The following KCNQ5 variants were observed in gnomAD, a reference collection of about 807,000 sequenced individuals.
The protein encoded by KCNQ5 is potassium voltage-gated channel subfamily Q member 5, also known as potassium voltage-gated channel subfamily KQT member 5.
Under a neutral mutation model 98.2 loss-of-function variants are expected in KCNQ5, and 30 were observed. The ratio of observed to expected loss-of-function variants is 0.31; its 90% CI spans 0.23 to 0.41. The LOEUF is 0.41. Ranked by LOEUF, KCNQ5 falls within the 10% of genes least tolerant of loss-of-function variation. The probability of loss-of-function intolerance (pLI) is 1.00; values close to 1 mark genes in which losing one functional copy is unlikely to be tolerated. For missense variants in KCNQ5, 835 were observed against 1,182.5 expected (o/e 0.71, Z 4.31); for synonymous variants, 458 against 449.4 (o/e 1.02, Z -0.24).
intron 6 of KCNQ5, 99 bp from the exon 7 acceptor site, chr6:73,111,209 T>A: frequency 1.3e-6 from 1 of 789,256 alleles, no homozygotes. Context: ...TTACATACCG[T>A]TTGTCTTCTC....
In KCNQ5 at chr6:72,938,254, A is replaced by T. The variant is rs527860447; in HGVS notation, c.399-65654A>T. On this transcript the variant is annotated intron_variant, in intron 1 of 13. Coordinates refer to ENST00000370398, the MANE Select transcript of KCNQ5 (RefSeq NM_019842.4). ...AGATTCATGGTTGCCTAAGCCTGGG[A>T]GGTAGGAATGGGAGTGGAGGCAAAT... Among the ~76,000 whole-genome samples the T allele has an allele frequency of 3.2e-4, 48 of 152,294 alleles. 1 individual carries two copies. The highest frequency in any genetic ancestry group is 3.4e-3 in the Middle Eastern group (1 of 294).
intron 10 of KCNQ5, among the ~76,000 whole-genome samples, chr6:73,140,707 G>C (rs1776669749): frequency 6.6e-6 from 1 of 152,216 alleles, no homozygotes; most frequent in Admixed American, 6.5e-5. Flanking sequence ...CAGCGTAATT[G>C]TTGGAGTAAT....
intron 11 of KCNQ5, among the ~76,000 whole-genome samples, chr6:73,188,614 G>A (rs186237474): frequency 6.6e-5 from 10 of 152,176 alleles, no homozygotes; most frequent in South Asian, 2.1e-4. Flanking sequence ...GAAACTGTGC[G>A]AAGCTCTAAG....
intron 1 of KCNQ5, among the ~76,000 whole-genome samples, chr6:72,975,017 G>A (rs1471538291): frequency 2.0e-5 from 3 of 152,042 alleles, no homozygotes; most frequent in Non-Finnish European, 2.9e-5. Flanking sequence ...GATTACAGGC[G>A]TGAACCACCA....
intron 3 of KCNQ5, among the ~76,000 whole-genome samples, chr6:73,069,604 G>GGT: frequency 6.6e-6 from 1 of 152,082 alleles, no homozygotes; most frequent in Non-Finnish European, 1.5e-5. Context: ...CAGACTACTA[G>GGT]TATAATCATG....
At chr6:72,945,972 CAG>C (rs1466814682) in intron 1 of KCNQ5, among the ~76,000 whole-genome samples, 2 of 152,222 alleles carry the variant, frequency 1.3e-5, no homozygotes, top group East Asian at 1.9e-4. Context: ...CAAGTGAAAA[CAG>C]AGATTCGGGA....
intron 1 of KCNQ5, among the ~76,000 whole-genome samples, chr6:72,888,550 T>C (rs1778935538): frequency 1.3e-5 from 2 of 152,290 alleles, no homozygotes; most frequent in Non-Finnish European, 2.9e-5. Context: ...GTGCTGAGCA[T>C]AATGGCTTAG....
Position 72,747,517 on chromosome 6 carries a change from A to C in KCNQ5, c.398+124930A>C, listed in dbSNP as rs1771464257. 2.6e-5 allele frequency among the ~76,000 whole-genome samples: 4 copies of C among 152,182 alleles called. No individual in the cohort carries two copies. The South Asian group carries it at 8.3e-4, about 32-fold the overall frequency. On this transcript the variant is annotated intron_variant, in intron 1 of 13. Transcript: ENST00000370398. ...TTCTGTTTCATGATGGCAAATTAAA[A>C]GGCAGGTTCAAATGTCAGCATTATA...
rs907821631 is a variant in KCNQ5, at chr6:72,916,953, A to T, written c.399-86955A>T. 1.8e-4 allele frequency among the ~76,000 whole-genome samples: 28 copies of T among 152,140 alleles called. 1 individual carries two copies. The highest frequency in any genetic ancestry group is 1.7e-3 in the Admixed American group (26 of 15,274). On this transcript the variant is annotated intron_variant, in intron 1 of 13. Transcript: ENST00000370398. ...TGTACTGAAATACCCACCTAGAGAG[A>T]TGTCTAATATTTCCACATGAATGCT...
At chr6:73,029,653 G>T (rs1771042983) in intron 2 of KCNQ5, among the ~76,000 whole-genome samples, 1 of 151,748 alleles carries the variant, frequency 6.6e-6, no homozygotes, top group Non-Finnish European at 1.5e-5. Context: ...ACTTGATTTG[G>T]CCGGGCGCGG....
chr6:72,965,495 T>C (rs1767557564), intron 1 of KCNQ5, among the ~76,000 whole-genome samples: 1 of 152,148 alleles, frequency 6.6e-6, no homozygotes, highest in African/African-American at 2.4e-5. Flanking sequence ...AATGGCTGTA[T>C]CTCCTTCTGT....
chr6:72,799,140 G>A (rs1218194325), intron 1 of KCNQ5, among the ~76,000 whole-genome samples: 1 of 152,100 alleles, frequency 6.6e-6, no homozygotes, highest in Non-Finnish European at 1.5e-5. Context: ...GAATTTGCTT[G>A]CTTACACAAC....
chr6:72,830,344 C>T lies in KCNQ5; in HGVS notation c.399-173564C>T, dbSNP rs567925326. On this transcript the variant is annotated intron_variant, in intron 1 of 13. Transcript: ENST00000370398. Reference sequence around the variant, plus strand: ...CCTAACTTCAAACTATACTACAAGGCTACAGTAACCAAAACAGCATGGTAC... The same window carrying T: ...CCTAACTTCAAACTATACTACAAGGTTACAGTAACCAAAACAGCATGGTAC... 1.1e-3 allele frequency among the ~76,000 whole-genome samples: 166 copies of T among 152,296 alleles called. 2 individuals carry two copies. Among genetic ancestry groups the T allele is most frequent in the Admixed American group, 3.3e-3 (51 of 15,298 alleles).
intron 1 of KCNQ5, among the ~76,000 whole-genome samples, chr6:72,640,075 G>A (rs148652340): frequency 6.6e-6 from 1 of 152,128 alleles, no homozygotes; most frequent in Non-Finnish European, 1.5e-5. Context: ...CACGTAGAAG[G>A]CTACCTGGTG....
chr6:72,656,251 A>G (rs1177286625), intron 1 of KCNQ5, among the ~76,000 whole-genome samples: 1 of 152,188 alleles, frequency 6.6e-6, no homozygotes, highest in South Asian at 2.1e-4. Context: ...GTATGGTGTT[A>G]TGAACTGGTT....
At chr6:72,911,349 C>T (rs980577485) in intron 1 of KCNQ5, among the ~76,000 whole-genome samples, 7 of 152,116 alleles carry the variant, frequency 4.6e-5, no homozygotes, top group African/African-American at 1.7e-4. Flanking sequence ...GCTAGCTAGC[C>T]TCTCTTTCCG....
intron 3 of KCNQ5, among the ~76,000 whole-genome samples, chr6:73,068,558 A>T (rs1374868141): frequency 1.3e-5 from 2 of 152,150 alleles, no homozygotes; most frequent in Non-Finnish European, 2.9e-5. Context: ...TGACATAGGT[A>T]CCTTTATTAT....
At chr6:72,700,687 A>T (rs1315069319) in intron 1 of KCNQ5, among the ~76,000 whole-genome samples, 1 of 152,202 alleles carries the variant, frequency 6.6e-6, no homozygotes, top group Non-Finnish European at 1.5e-5. Flanking sequence ...CCATGATCTT[A>T]TATGCTTTCT....
At chr6:72,646,981 GT>G (rs1765621311) in intron 1 of KCNQ5, among the ~76,000 whole-genome samples, 1 of 152,134 alleles carries the variant, frequency 6.6e-6, no homozygotes, top group African/African-American at 2.4e-5. Flanking sequence ...TTATTGAGAG[GT>G]GCTTGGTAAA....
Sources: gnomAD v4.1 joint callset for allele counts (sites outside exome capture counted in the v4.1 genomes callset) on GRCh38, gnomAD v4.1.1 for gene constraint, MANE v1.5 for transcripts, NCBI Gene and HGNC (gene_info 2026-07-23, HGNC 2026-07-21) for gene names.